The following CCDC85A variants were observed in gnomAD, a reference collection of about 807,000 sequenced individuals.
CCDC85A encodes the protein coiled-coil domain-containing protein 85A.
In CCDC85A, 38 loss-of-function variants were observed where a neutral mutation model predicts 50.2. The ratio of observed to expected loss-of-function variants is 0.76; its 90% CI spans 0.58 to 0.99. The LOEUF (loss-of-function observed/expected upper bound fraction) is 0.99, where lower values mean the gene tolerates loss of function less well. CCDC85A is among the 50% of genes least tolerant of loss of function. The pLI, the probability that CCDC85A is intolerant of heterozygous loss-of-function variation, is 0.00. For synonymous variants in CCDC85A, 366 were observed against 301.4 expected, an observed-to-expected ratio of 1.21 and a Z score of -2.22; for missense variants, 820 against 742.0, an observed-to-expected ratio of 1.11 and a Z score of -1.22.
intron 2 of CCDC85A, among the ~76,000 whole-genome samples, chr2:56,274,670 G>A (rs543847817): frequency 1.3e-5 from 2 of 152,268 alleles, no homozygotes; most frequent in South Asian, 2.1e-4. Flanking sequence ...CCAAATGACC[G>A]GGCACCGTAG....
At chr2:56,334,200 T>C (rs768037934) in intron 2 of CCDC85A, among the ~76,000 whole-genome samples, 1 of 152,196 alleles carries the variant, frequency 6.6e-6, no homozygotes, top group Non-Finnish European at 1.5e-5. Context: ...TTTTACTGCC[T>C]GTCTTCACCG....
At chr2:56,342,663 T>G (rs1674431193) in intron 2 of CCDC85A, among the ~76,000 whole-genome samples, 1 of 152,238 alleles carries the variant, frequency 6.6e-6, no homozygotes, top group African/African-American at 2.4e-5. Context: ...AGTCTGTGTC[T>G]TATCTAATAT....
At chr2:56,234,730 G>T (rs1167645379) in intron 2 of CCDC85A, among the ~76,000 whole-genome samples, 1 of 151,766 alleles carries the variant, frequency 6.6e-6, no homozygotes, top group African/African-American at 2.4e-5. Flanking sequence ...ATTCAGAATC[G>T]ATTTAGTTGT....
intron 2 of CCDC85A, among the ~76,000 whole-genome samples, chr2:56,202,616 A>T (rs1438346236): frequency 6.6e-6 from 1 of 152,242 alleles, no homozygotes; most frequent in Non-Finnish European, 1.5e-5. Context: ...GTTTTTTAAT[A>T]ACTCAGCTAA....
rs1158710764 is a variant in CCDC85A, at chr2:56,383,615, T to C, written c.1573-651T>C. On this transcript the variant is annotated intron_variant, in intron 5 of 5. Transcript: ENST00000407595. ...GCCTACATTTGGATGCTTTGTGTTT[T>C]GGAAATCCAAGACATCATATTGCTT... 4 of 985,076 alleles carry C rather than the reference T, an allele frequency of 4.1e-6. No individual in the cohort carries two copies. The Admixed American group carries it at 1.9e-4, about 46-fold the overall frequency. 61.0% of individuals were successfully genotyped at this position (985,076 alleles called of 1,614,324 possible).
intron 2 of CCDC85A, among the ~76,000 whole-genome samples, chr2:56,251,100 C>T (rs1669733183): frequency 6.6e-6 from 1 of 152,100 alleles, no homozygotes. Context: ...CAGTTCTTTC[C>T]TCCCCCAGAG....
At chr2:56,259,175 A>C (rs989808074) in intron 2 of CCDC85A, among the ~76,000 whole-genome samples, 1 of 152,216 alleles carries the variant, frequency 6.6e-6, no homozygotes, top group African/African-American at 2.4e-5. Context: ...ACTTGACAGA[A>C]ACAGGAAGCC....
At chr2:56,360,858 G>A (rs369976043) in intron 3 of CCDC85A, among the ~76,000 whole-genome samples, 9 of 152,304 alleles carry the variant, frequency 5.9e-5, no homozygotes, top group African/African-American at 2.2e-4. Flanking sequence ...AATGAGAAAG[G>A]TTAACATTTA....
In CCDC85A at chr2:56,322,436, CAG is replaced by C. The variant is rs1673250241; in HGVS notation, c.1241-20441_1241-20440del. Among the ~76,000 whole-genome samples, 11 of 152,238 alleles carry C rather than the reference CAG, an allele frequency of 7.2e-5. No individual in the cohort carries two copies. In the South Asian group the frequency reaches 2.1e-3, roughly 29 times the overall value. On this transcript the variant is annotated intron_variant, in intron 2 of 5. Transcript: ENST00000407595. ...ATCCAGAATCTACAAAAAACTCAAA[CAG>C]ATTTACAAGAAAAAATCAAACAACC...
At chr2:56,317,761 A>G (rs1672985485) in intron 2 of CCDC85A, among the ~76,000 whole-genome samples, 1 of 152,048 alleles carries the variant, frequency 6.6e-6, no homozygotes, top group East Asian at 1.9e-4. Context: ...TTAAACTCTA[A>G]GTTGTTCACA....
Position 56,184,154 on chromosome 2 carries a change from A to C in CCDC85A, c.-471A>C. 1.0e-6 allele frequency: 1 copy of C among 985,604 alleles called. No individual in the cohort carries two copies. The highest frequency in any genetic ancestry group is 1.2e-6 in the Non-Finnish European group (1 of 830,250). The allele number at this position is 985,604 out of a possible 1,614,324, so 61.1% of individuals were successfully genotyped here. On this transcript the variant is annotated 5_prime_UTR_variant, in exon 1 of 6. Transcript: ENST00000407595. ...CGGTGCCCGGCGCGCCCTCCAAGCT[A>C]GGAGAGGGGAGAAGCCGGGGGCTGC...
chr2:56,308,276 C>T (rs1672533689), intron 2 of CCDC85A, among the ~76,000 whole-genome samples: 1 of 152,174 alleles, frequency 6.6e-6, no homozygotes, highest in Non-Finnish European at 1.5e-5. Flanking sequence ...GAGACAACTC[C>T]TCCCTTCCTC....
chr2:56,225,838 C>G (rs1668519125), intron 2 of CCDC85A, among the ~76,000 whole-genome samples: 1 of 152,162 alleles, frequency 6.6e-6, no homozygotes, highest in Non-Finnish European at 1.5e-5. Context: ...GCTCTTGTCT[C>G]AAGGCTTCAT....
At chr2:56,305,677 A>T (rs1025051049) in intron 2 of CCDC85A, among the ~76,000 whole-genome samples, 7 of 152,264 alleles carry the variant, frequency 4.6e-5, no homozygotes. Context: ...GAATCCAGCA[A>T]ATTGTATCTC....
In CCDC85A at chr2:56,290,457, T is replaced by G. The variant is rs537707103; in HGVS notation, c.1241-52422T>G. 3.1e-4 allele frequency among the ~76,000 whole-genome samples: 47 copies of G among 152,304 alleles called. No individual in the cohort carries two copies. In the South Asian group the frequency reaches 8.1e-3, roughly 26 times the overall value. On this transcript the variant is annotated intron_variant, in intron 2 of 5. Coordinates refer to ENST00000407595, the MANE Select transcript of CCDC85A (RefSeq NM_001080433.2). ...AAATATGCCTGATTCTGTGCCCCTC[T>G]ACTATGGCAAATGAATTATATTTGT...
chr2:56,269,030 T>G (rs935734013), intron 2 of CCDC85A, among the ~76,000 whole-genome samples: 5 of 152,206 alleles, frequency 3.3e-5, no homozygotes, highest in Non-Finnish European at 5.9e-5. Context: ...TAGACTAGTT[T>G]TTGGCTCTGA....
chr2:56,277,406 C>T (rs1671000360), intron 2 of CCDC85A, among the ~76,000 whole-genome samples: 1 of 150,122 alleles, frequency 6.7e-6, no homozygotes, highest in South Asian at 2.1e-4. Context: ...AAGCCCCTTT[C>T]CACAGAGATC....
intron 2 of CCDC85A, among the ~76,000 whole-genome samples, chr2:56,281,533 C>G (rs1671207754): frequency 6.6e-6 from 1 of 152,158 alleles, no homozygotes; most frequent in South Asian, 2.1e-4. Context: ...ATCTTACACT[C>G]CCATCATAAG....
Position 56,278,620 on chromosome 2 carries a change from C to G in CCDC85A, c.1241-64259C>G, listed in dbSNP as rs1573160447. Among the ~76,000 whole-genome samples, 4 of 152,162 alleles carry G rather than the reference C, an allele frequency of 2.6e-5. No individual in the cohort carries two copies. In the South Asian group the frequency reaches 8.3e-4, roughly 32 times the overall value. ...ATGGAGTCTCTCTCTGTTGCCCAGG[C>G]TGGAATGCAGTGGCACAATCTCGGC... On this transcript the variant is annotated intron_variant, in intron 2 of 5. Coordinates refer to ENST00000407595, the MANE Select transcript of CCDC85A (RefSeq NM_001080433.2).
Sources: gnomAD v4.1 joint callset for allele counts (sites outside exome capture counted in the v4.1 genomes callset) on GRCh38, gnomAD v4.1.1 for gene constraint, MANE v1.5 for transcripts, NCBI Gene and HGNC (gene_info 2026-07-23, HGNC 2026-07-21) for gene names.